The following SPIN4 variants were observed in gnomAD, a reference collection of about 807,000 sequenced individuals.
SPIN4 encodes spindlin family member 4.
SPIN4 carries 4 observed loss-of-function variants against 10.4 expected under a neutral mutation model. That is an observed-to-expected ratio of 0.38 (90% CI 0.19 to 0.88). The LOEUF is 0.88. Among genes scored for constraint, SPIN4 ranks in the 40% least tolerant of loss-of-function variants. SPIN4 has a pLI of 0.40. For synonymous variants in SPIN4, 71 were observed against 78.4 expected (o/e 0.91, Z 0.50); for missense variants, 126 against 198.7 (o/e 0.63, Z 2.20).
rs1556016608 is a variant in SPIN4, at chrX:63,350,796, C to A, written c.24G>T (p.Pro8=). 1 of 1,201,241 alleles carries A rather than the reference C, an allele frequency of 8.3e-7. No homozygotes were observed. The highest frequency in any genetic ancestry group is 1.8e-5 in the South Asian group (1 of 55,258). MSPPTVP[P]MGVDGVSAYL... is the part of the protein sequence containing the mutation. ...ATGCGGACACGCCATCTACCCCCATCGGAGGCACGGTTGGAGGAGACATAG... is the reference window on the plus strand; with the variant it reads ...ATGCGGACACGCCATCTACCCCCATAGGAGGCACGGTTGGAGGAGACATAG... Residue 8 remains proline (P), a synonymous_variant, in exon 1 of 1, where the codon CCG becomes CCT. Coordinates refer to ENST00000374884, the MANE Select transcript of SPIN4 (RefSeq NM_001012968.3).
rs1367942650 is a variant in SPIN4 at position 63,348,315 on chromosome X, AG to A, written c.*1754del. The A allele has an allele frequency of 9.0e-6, 1 of 111,486 alleles. No homozygotes were observed. Among genetic ancestry groups the A allele is most frequent in the Non-Finnish European group, 1.9e-5 (1 of 52,975 alleles). 9.2% of individuals were successfully genotyped at this position (111,486 alleles called of 1,213,427 possible). ...CAAAAATAGCTAATTACAAATGAGAAGAAAAAAACCAATTCACAATGTCAAA... is the reference window on the plus strand; with the variant it reads ...CAAAAATAGCTAATTACAAATGAGAAAAAAAAACCAATTCACAATGTCAAA... On this transcript the variant is annotated 3_prime_UTR_variant, in exon 1 of 1. Transcript: ENST00000374884.
Position 63,348,463 on chromosome X carries a change from C to T in SPIN4, c.*1607G>A, listed in dbSNP as rs1306700641. 3 of 110,535 alleles carry T rather than the reference C, an allele frequency of 2.7e-5. No homozygotes were observed. The highest frequency in any genetic ancestry group is 5.7e-5 in the Non-Finnish European group (3 of 52,699). 9.1% of individuals were successfully genotyped at this position (110,535 alleles called of 1,213,427 possible). On this transcript the variant is annotated 3_prime_UTR_variant, in exon 1 of 1. Coordinates refer to ENST00000374884, the MANE Select transcript of SPIN4 (RefSeq NM_001012968.3). Reference sequence around the variant, plus strand: ...AATGATGTACGAAGACTCTTGAGTGCTAAGATTTAATATTATTAAAGAGCC... The same window carrying T: ...AATGATGTACGAAGACTCTTGAGTGTTAAGATTTAATATTATTAAAGAGCC...
Position 63,347,230 on chromosome X carries a change from C to A in SPIN4, c.*2840G>T, listed in dbSNP as rs1178858729. ...TAAAATACAAAGATAATTGAAAATACCATTATAGCTAATTATTTTATTACA... is the reference window on the plus strand; with the variant it reads ...TAAAATACAAAGATAATTGAAAATAACATTATAGCTAATTATTTTATTACA... On this transcript the variant is annotated 3_prime_UTR_variant, in exon 1 of 1. Coordinates refer to ENST00000374884, the MANE Select transcript of SPIN4 (RefSeq NM_001012968.3). The A allele has an allele frequency of 2.7e-5, 3 of 111,457 alleles. No homozygotes were observed. The highest frequency in any genetic ancestry group is 5.7e-5 in the Non-Finnish European group (3 of 53,030). The allele number at this position is 111,457 out of a possible 1,213,427, so 9.2% of individuals were successfully genotyped here.
At position 63,350,174 on chromosome X, in the gene SPIN4, T is replaced by C. The variant is rs782581152; in HGVS notation, c.646A>G (p.Thr216Ala). 1 of 1,211,806 alleles carries C rather than the reference T, an allele frequency of 8.3e-7. No individual in the cohort carries two copies. Among genetic ancestry groups the C allele is most frequent in the Admixed American group, 2.2e-5 (1 of 46,053 alleles). The part of the protein sequence containing the change: ...EHAKDDGSKR[T>A]GIFIHQVVAK... ...ACCACTTGATGTATAAAAATGCCAG[T>C]TCTCTTGGACCCGTCATCTTTGGCA... Residue 216 changes from threonine (T) to alanine (A), a missense_variant, in exon 1 of 1, where the codon ACT (threonine) becomes GCT (alanine). Transcript: ENST00000374884.
At position 63,347,549 on chromosome X, in the gene SPIN4, A is replaced by T. The variant is rs1388053483; in HGVS notation, c.*2521T>A. On this transcript the variant is annotated 3_prime_UTR_variant, in exon 1 of 1. Transcript: ENST00000374884. ...AAACAAATAATTCTAATGCTATTTA[A>T]ATTATTCCAGACCACAGGAAAAAAA... is the stretch of plus-strand genomic sequence containing the variant. 7 of 112,177 alleles carry T rather than the reference A, an allele frequency of 6.2e-5. No individual in the cohort carries two copies. The highest frequency in any genetic ancestry group is 1.9e-4 in the Admixed American group (2 of 10,577). The allele number at this position is 112,177 out of a possible 1,213,427, so 9.2% of individuals were successfully genotyped here. A position where few individuals can be genotyped will look rare whatever the true frequency, so the allele number is the denominator to read the frequency against.
In SPIN4 at chrX:63,351,000, G is replaced by T; in HGVS notation, c.-181C>A. On this transcript the variant is annotated 5_prime_UTR_variant, in exon 1 of 1. Coordinates refer to ENST00000374884, the MANE Select transcript of SPIN4 (RefSeq NM_001012968.3). ...TGGCAGAAACGCTCGAACTCTAACCGTGAGCACTGGGACAGCGTGTGCCTC... is the reference window on the plus strand; with the variant it reads ...TGGCAGAAACGCTCGAACTCTAACCTTGAGCACTGGGACAGCGTGTGCCTC... 2.0e-6 allele frequency: 1 copy of T among 499,130 alleles called. No individual in the cohort carries two copies. The highest frequency in any genetic ancestry group is 3.3e-6 in the Non-Finnish European group (1 of 306,521). 41.1% of individuals were successfully genotyped at this position (499,130 alleles called of 1,213,427 possible).
chrX:63,350,711 G>C lies in SPIN4; in HGVS notation c.109C>G (p.Arg37Gly), dbSNP rs1266035351. 1.7e-6 allele frequency: 2 copies of C among 1,211,520 alleles called. No individual in the cohort carries two copies. The highest frequency in any genetic ancestry group is 2.2e-5 in the Admixed American group (1 of 46,056). The change falls in exon 1 of 1, where the codon CGT (arginine) becomes GGT (glycine). Residue 37 changes from arginine (R) to glycine (G), a missense_variant. Coordinates refer to ENST00000374884, the MANE Select transcript of SPIN4 (RefSeq NM_001012968.3). ...ATGCGGCAGCCCACGATGTTCCTAC[G>C]AGTGAGGAAAGTGGGCTTGCGCCGT... The part of the protein sequence containing the change: ...KQRRKPTFLT[R>G]RNIVGCRIQH...
rs1932958790 is a variant in SPIN4, at chrX:63,348,449, AAG to A, written c.*1619_*1620del. ...GACCAAAAGATTTCAATGATGTACG[AAG>A]ACTCTTGAGTGCTAAGATTTAATAT... is the stretch of plus-strand genomic sequence containing the variant. On this transcript the variant is annotated 3_prime_UTR_variant, in exon 1 of 1. Transcript: ENST00000374884. The A allele has an allele frequency of 9.0e-6, 1 of 111,130 alleles. No individual in the cohort carries two copies. Among genetic ancestry groups the A allele is most frequent in the Non-Finnish European group, 1.9e-5 (1 of 52,855 alleles). 9.2% of individuals were successfully genotyped at this position (111,130 alleles called of 1,213,427 possible).
rs1282105262 is a variant in SPIN4, at chrX:63,348,448, G to A, written c.*1622C>T. The A allele has an allele frequency of 1.8e-5, 2 of 110,743 alleles. No individual in the cohort carries two copies. Among genetic ancestry groups the A allele is most frequent in the African/African-American group, 3.3e-5 (1 of 30,584 alleles). 9.1% of individuals were successfully genotyped at this position (110,743 alleles called of 1,213,427 possible). ...AGACCAAAAGATTTCAATGATGTACGAAGACTCTTGAGTGCTAAGATTTAA... is the reference window on the plus strand; with the variant it reads ...AGACCAAAAGATTTCAATGATGTACAAAGACTCTTGAGTGCTAAGATTTAA... On this transcript the variant is annotated 3_prime_UTR_variant, in exon 1 of 1. Transcript: ENST00000374884.
rs1556016269 is a variant in SPIN4 at position 63,348,263 on chromosome X, C to A, written c.*1807G>T. 1 of 110,539 alleles carries A rather than the reference C, an allele frequency of 9.0e-6. No individual in the cohort carries two copies. The highest frequency in any genetic ancestry group is 9.6e-5 in the Admixed American group (1 of 10,426). The allele number at this position is 110,539 out of a possible 1,213,427, so 9.1% of individuals were successfully genotyped here. On this transcript the variant is annotated 3_prime_UTR_variant, in exon 1 of 1. Transcript: ENST00000374884. ...GCTCATTAGACAGAAGATAAAAATA[C>A]AAAAATCTATAGGTTGTCTATATTG...
At position 63,347,915 on chromosome X, in the gene SPIN4, C is replaced by T. The variant is rs1226720920; in HGVS notation, c.*2155G>A. ...ATTCAGGAACCACTTCTAGCAATAA[C>T]ACTATAAAACAGGAATAGCGGAAAC... On this transcript the variant is annotated 3_prime_UTR_variant, in exon 1 of 1. Coordinates refer to ENST00000374884, the MANE Select transcript of SPIN4 (RefSeq NM_001012968.3). 1 of 111,264 alleles carries T rather than the reference C, an allele frequency of 9.0e-6. No individual in the cohort carries two copies. The highest frequency in any genetic ancestry group is 3.3e-5 in the African/African-American group (1 of 30,697). The allele number at this position is 111,264 out of a possible 1,213,427, so 9.2% of individuals were successfully genotyped here.
Position 63,348,033 on chromosome X carries a change from C to T in SPIN4, c.*2037G>A, listed in dbSNP as rs1245261038. On this transcript the variant is annotated 3_prime_UTR_variant, in exon 1 of 1. Coordinates refer to ENST00000374884, the MANE Select transcript of SPIN4 (RefSeq NM_001012968.3). The stretch of plus-strand genomic sequence containing the variant: ...TCCCTATTAATATTTTGCATTCTTA[C>T]TTCCATGAAAATTAAGAACAAGACA... 2 of 111,180 alleles carry T rather than the reference C, an allele frequency of 1.8e-5. No individual in the cohort carries two copies. The highest frequency in any genetic ancestry group is 3.7e-4 in the South Asian group (1 of 2,685). The allele number at this position is 111,180 out of a possible 1,213,427, so 9.2% of individuals were successfully genotyped here. A position where few individuals can be genotyped will look rare whatever the true frequency, so the allele number is the denominator to read the frequency against.
chrX:63,350,297 C>A lies in SPIN4; in HGVS notation c.523G>T (p.Asp175Tyr). 1 of 1,211,330 alleles carries A rather than the reference C, an allele frequency of 8.3e-7. No homozygotes were observed. Among genetic ancestry groups the A allele is most frequent in the Non-Finnish European group, 1.1e-6 (1 of 895,466 alleles). ...YTLLDDYKDG[D>Y]LRIIPDSNYY... is the part of the protein sequence containing the mutation. ...TTGGAATCTGGAATAATGCGTAAGT[C>A]ACCATCTTTGTAGTCATCAAGCAGC... Residue 175 changes from aspartate to tyrosine, a missense_variant, in exon 1 of 1, where the codon GAC becomes TAC. Physicochemically the swap from Asp to Tyr is radical, Grantham distance 160 (BLOSUM62 -3). Transcript: ENST00000374884.
Position 63,350,490 on chromosome X carries a change from G to A in SPIN4, c.330C>T (p.Ile110=). 2 of 1,211,633 alleles carry A rather than the reference G, an allele frequency of 1.7e-6. No individual in the cohort carries two copies. The highest frequency in any genetic ancestry group is 2.2e-6 in the Non-Finnish European group (2 of 895,507). ...ILPERVPTPR[I]DSRLADSLIG... is the part of the protein sequence containing the mutation. The stretch of plus-strand genomic sequence containing the variant: ...TCAGGGAATCTGCCAGTCGTGAATC[G>A]ATACGAGGAGTTGGCACTCTCTCAG... The change falls in exon 1 of 1, where the codon ATC becomes ATT. Residue 110 remains isoleucine, a synonymous_variant. Coordinates refer to ENST00000374884, the MANE Select transcript of SPIN4 (RefSeq NM_001012968.3).
Position 63,348,401 on chromosome X carries a change from C to T in SPIN4, c.*1669G>A, listed in dbSNP as rs782577854. Reference sequence around the variant, plus strand: ...AATTCAGTTAGCTATGATATACTTACGTGAAGAATATTCCAATAACAAGAC... The same window carrying T: ...AATTCAGTTAGCTATGATATACTTATGTGAAGAATATTCCAATAACAAGAC... On this transcript the variant is annotated 3_prime_UTR_variant, in exon 1 of 1. Transcript: ENST00000374884. The T allele has an allele frequency of 3.0e-4, 33 of 110,693 alleles. No homozygotes were observed. The highest frequency in any genetic ancestry group is 7.6e-4 in the South Asian group (2 of 2,641). The allele number at this position is 110,693 out of a possible 1,213,427, so 9.1% of individuals were successfully genotyped here.
At position 63,349,839 on chromosome X, in the gene SPIN4, A is replaced by T. The variant is rs1556016442; in HGVS notation, c.*231T>A. The T allele has an allele frequency of 2.8e-6, 1 of 355,984 alleles. No individual in the cohort carries two copies. Among genetic ancestry groups the T allele is most frequent in the Non-Finnish European group, 4.8e-6 (1 of 207,748 alleles). 29.3% of individuals were successfully genotyped at this position (355,984 alleles called of 1,213,427 possible). On this transcript the variant is annotated 3_prime_UTR_variant, in exon 1 of 1. Coordinates refer to ENST00000374884, the MANE Select transcript of SPIN4 (RefSeq NM_001012968.3). ...GGTTGCAAACACTTTTTAATTTTCT[A>T]TTAGCACCCAATTTAACTGTTAAGT...
rs781801620 is a variant in SPIN4 at position 63,349,519 on chromosome X, AAG to A, written c.*549_*550del. On this transcript the variant is annotated 3_prime_UTR_variant, in exon 1 of 1. Coordinates refer to ENST00000374884, the MANE Select transcript of SPIN4 (RefSeq NM_001012968.3). The stretch of plus-strand genomic sequence containing the variant: ...GGAGGGAGGGGGAGAGCAAGAGTGC[AAG>A]AGAGTAAGAGTGAGGGCCAGAGAGA... The A allele has an allele frequency of 8.0e-5, 9 of 112,385 alleles. No individual in the cohort carries two copies. Among genetic ancestry groups the A allele is most frequent in the African/African-American group, 2.9e-4 (9 of 30,736 alleles). 9.3% of individuals were successfully genotyped at this position (112,385 alleles called of 1,213,427 possible).
rs1348004950 is a variant in SPIN4 at position 63,348,459 on chromosome X, A to G, written c.*1611T>C. ...TTTCAATGATGTACGAAGACTCTTG[A>G]GTGCTAAGATTTAATATTATTAAAG... On this transcript the variant is annotated 3_prime_UTR_variant, in exon 1 of 1. Transcript: ENST00000374884. 1 of 111,268 alleles carries G rather than the reference A, an allele frequency of 9.0e-6. No individual in the cohort carries two copies. The highest frequency in any genetic ancestry group is 1.9e-5 in the Non-Finnish European group (1 of 52,913). 9.2% of individuals were successfully genotyped at this position (111,268 alleles called of 1,213,427 possible).
rs1413396173 is a variant in SPIN4, at chrX:63,351,017, G to C, written c.-198C>G. 2.2e-6 allele frequency: 1 copy of C among 447,391 alleles called. No individual in the cohort carries two copies. The highest frequency in any genetic ancestry group is 3.8e-6 in the Non-Finnish European group (1 of 265,323). 36.9% of individuals were successfully genotyped at this position (447,391 alleles called of 1,213,427 possible). ...CTCTAACCGTGAGCACTGGGACAGC[G>C]TGTGCCTCTCCACAGTGCTTTCCTC... On this transcript the variant is annotated 5_prime_UTR_variant, in exon 1 of 1. Coordinates refer to ENST00000374884, the MANE Select transcript of SPIN4 (RefSeq NM_001012968.3).
Sources: allele counts gnomAD v4.1 joint callset, GRCh38; gene constraint gnomAD v4.1.1; transcripts MANE v1.5; gene names NCBI Gene and HGNC (gene_info 2026-07-23, HGNC 2026-07-21).